The following PVALEF variants were observed in gnomAD, a reference collection of about 807,000 sequenced individuals.
PVALEF encodes parvalbumin-like EF-hand-containing protein.
A neutral mutation model predicts 1.2 loss-of-function variants in PVALEF; 2 were observed. The ratio of observed to expected loss-of-function variants is 1.68; its 90% confidence interval spans 0.69 to 5.28. The LOEUF (loss-of-function observed/expected upper bound fraction) is 5.28, where lower values mean the gene tolerates loss of function less well. PVALEF is among the 30% of genes most tolerant of loss of function. The pLI, the probability that PVALEF is intolerant of heterozygous loss-of-function variation, is 0.06. For missense variants in PVALEF, 35 were observed against 17.7 expected (o/e 1.97, Z -1.75); for synonymous variants, 16 against 6.5 (o/e 2.47, Z -2.24).
intron 2 of PVALEF, among the ~76,000 whole-genome samples, chr17:81,170,863 G>A (rs995640330): frequency 1.3e-5 from 2 of 152,038 alleles, no homozygotes; most frequent in African/African-American, 4.8e-5. Context: ...AGGGTGCTTG[G>A]GCCCCTCCAG....
At chr17:81,172,503 C>T (rs539091554) in intron 2 of PVALEF, among the ~76,000 whole-genome samples, 68 of 152,300 alleles carry the variant, frequency 4.5e-4, no homozygotes, top group African/African-American at 1.4e-3. Flanking sequence ...TGGGGCCAGG[C>T]GTGGCAGCTC....
At chr17:81,167,549 T>C (rs2061502468) in intron 2 of PVALEF, among the ~76,000 whole-genome samples, 1 of 152,210 alleles carries the variant, frequency 6.6e-6, no homozygotes, top group African/African-American at 2.4e-5. Flanking sequence ...CAGGACAGGA[T>C]GCTTGGGCCA....
intron 2 of PVALEF, among the ~76,000 whole-genome samples, chr17:81,169,322 G>A (rs532709730): frequency 1.3e-5 from 2 of 152,252 alleles, no homozygotes; most frequent in East Asian, 1.9e-4. Flanking sequence ...GTAATCGGCC[G>A]GGCGCAGTGG....
At chr17:81,172,795 G>C (rs2061525046) in intron 2 of PVALEF, among the ~76,000 whole-genome samples, 1 of 151,968 alleles carries the variant, frequency 6.6e-6, no homozygotes, top group South Asian at 2.1e-4. Flanking sequence ...AAAAGTTGCT[G>C]GACCGTCCTC....
intron 2 of PVALEF, among the ~76,000 whole-genome samples, chr17:81,174,357 G>A (rs577480583): frequency 6.6e-5 from 10 of 151,690 alleles, no homozygotes; most frequent in African/African-American, 9.6e-5. Context: ...GGCTGGGTGC[G>A]GTGGCTCATG....
In PVALEF at chr17:81,178,911, GC is replaced by G; in HGVS notation, c.-339-3del. On this transcript the variant is annotated splice_region_variant and splice_polypyrimidine_tract_variant and intron_variant, in intron 2 of 6. Coordinates refer to ENST00000637878, the MANE Select transcript of PVALEF (RefSeq NM_001354639.2). The stretch of plus-strand genomic sequence containing the variant: ...GTGCCCTCTCTTCCTCCCTAACCCC[GC>G]CCCAGGTTTGGGGAGGCCAGGCACT... 1 of 217,546 alleles carries G rather than the reference GC, an allele frequency of 4.6e-6. No homozygotes were observed. The highest frequency in any genetic ancestry group is 1.0e-5 in the Non-Finnish European group (1 of 100,320). The allele number at this position is 217,546 out of a possible 1,614,324, so 13.5% of individuals were successfully genotyped here.
intron 2 of PVALEF, among the ~76,000 whole-genome samples, chr17:81,168,543 G>A (rs2061507187): frequency 1.3e-5 from 2 of 152,192 alleles, no homozygotes; most frequent in Non-Finnish European, 2.9e-5. Flanking sequence ...TGCCCACGCT[G>A]GGACAGGATC....
intron 2 of PVALEF, 135 bp from the exon 3 acceptor site, chr17:81,178,783 T>A (rs1473616093): frequency 5.4e-6 from 1 of 184,496 alleles, no homozygotes; most frequent in African/African-American, 2.4e-5. Flanking sequence ...GAGGCGTGGG[T>A]TCCAGCACCA....
intron 4 of PVALEF, 93 bp from the exon 5 acceptor site, chr17:81,181,466 G>A (rs2061553927): frequency 2.0e-6 from 1 of 507,570 alleles, no homozygotes; most frequent in Non-Finnish European, 3.4e-6. Flanking sequence ...GGGGGTGCAG[G>A]ACCCGGCAGC....
intron 1 of PVALEF, 94 bp downstream of exon 1, chr17:81,165,841 T>C (rs1363684182): frequency 6.6e-7 from 1 of 1,523,002 alleles, no homozygotes; most frequent in African/African-American, 1.4e-5. Context: ...GGGGAAAGGG[T>C]TAATTTCCAT....
intron 2 of PVALEF, among the ~76,000 whole-genome samples, chr17:81,172,128 C>G (rs1224137066): frequency 2.0e-5 from 3 of 152,248 alleles, no homozygotes; most frequent in East Asian, 1.9e-4. Context: ...GTGCCACATG[C>G]CTTTCTACAG....
chr17:81,171,323 G>T lies in PVALEF; in HGVS notation c.-340+4479G>T, dbSNP rs138610699. 6.9e-3 allele frequency among the ~76,000 whole-genome samples: 1,057 copies of T among 152,168 alleles called. 11 individuals carry two copies. Among genetic ancestry groups the T allele is most frequent in the Middle Eastern group, 0.017 (5 of 294 alleles). Reference sequence around the variant, plus strand: ...GGTTCCGGGAGCTTTGGAGAACACTGCATCTGCCAGCCCGCCCTCCAGCCC... The same window carrying T: ...GGTTCCGGGAGCTTTGGAGAACACTTCATCTGCCAGCCCGCCCTCCAGCCC... On this transcript the variant is annotated intron_variant, in intron 2 of 6. Coordinates refer to ENST00000637878, the MANE Select transcript of PVALEF (RefSeq NM_001354639.2).
At chr17:81,168,514 C>G (rs967888492) in intron 2 of PVALEF, among the ~76,000 whole-genome samples, 32 of 152,186 alleles carry the variant, frequency 2.1e-4, no homozygotes, top group African/African-American at 7.5e-4. Flanking sequence ...CCTAGTGGGG[C>G]CCCCCAGGTG....
At chr17:81,181,042 G>T in intron 3 of PVALEF, 81 bp from the exon 4 acceptor site, 1 of 536,298 alleles carries the variant, frequency 1.9e-6, no homozygotes, top group Non-Finnish European at 3.3e-6. Context: ...ACCCCCACCT[G>T]CCTGGCTGGG....
At position 81,179,102 on chromosome 17, in the gene PVALEF, A is replaced by G. The variant is rs758412877; in HGVS notation, c.-155A>G. The stretch of plus-strand genomic sequence containing the variant: ...AAAGCTGGAGCCCCTGGGCCTCTCC[A>G]CACCCCAGCCTGACCCACCTTCCAG... On this transcript the variant is annotated 5_prime_UTR_variant, in exon 3 of 7. Coordinates refer to ENST00000637878, the MANE Select transcript of PVALEF (RefSeq NM_001354639.2). 8 of 443,546 alleles carry G rather than the reference A, an allele frequency of 1.8e-5. No individual in the cohort carries two copies. Among genetic ancestry groups the G allele is most frequent in the South Asian group, 1.3e-4 (8 of 63,138 alleles). 27.5% of individuals were successfully genotyped at this position (443,546 alleles called of 1,614,324 possible). A position where few individuals can be genotyped will look rare whatever the true frequency, so the allele number is the denominator to read the frequency against.
chr17:81,165,881 ATCACGTCCGCAGC>A, intron 1 of PVALEF, 134 bp downstream of exon 1: 3 of 1,548,826 alleles, frequency 1.9e-6, no homozygotes, highest in Non-Finnish European at 2.6e-6. Flanking sequence ...GCCCAGGGGC[ATCACGTCCGCAGC>A]GGAGGGAGGC....
rs776750540 is a variant in PVALEF, at chr17:81,183,041, G to A, written c.*30G>A. On this transcript the variant is annotated 3_prime_UTR_variant, in exon 7 of 7. Coordinates refer to ENST00000637878, the MANE Select transcript of PVALEF (RefSeq NM_001354639.2). Reference sequence around the variant, plus strand: ...ATGACTAGCCCTGGCCAGCCAAGGGGCTCCCATGGGGTAACCGGGGTGACC... The same window carrying A: ...ATGACTAGCCCTGGCCAGCCAAGGGACTCCCATGGGGTAACCGGGGTGACC... 147 of 398,564 alleles carry A rather than the reference G, an allele frequency of 3.7e-4. No homozygotes were observed. Among genetic ancestry groups the A allele is most frequent in the Non-Finnish European group, 6.2e-4 (140 of 226,092 alleles). 24.7% of individuals were successfully genotyped at this position (398,564 alleles called of 1,614,324 possible).
chr17:81,176,417 G>A (rs2061535686), intron 2 of PVALEF, among the ~76,000 whole-genome samples: 1 of 152,182 alleles, frequency 6.6e-6, no homozygotes, highest in Non-Finnish European at 1.5e-5. Context: ...TACTCAGGAG[G>A]CTGAGGCACG....
chr17:81,166,108 C>T, intron 1 of PVALEF: 1 of 462,484 alleles, frequency 2.2e-6, no homozygotes, highest in Non-Finnish European at 2.8e-6. Flanking sequence ...GCGCGCCGGC[C>T]CCCGCGCCCC....
Sources: allele counts gnomAD v4.1 joint callset (sites outside exome capture counted in the v4.1 genomes callset), GRCh38; gene constraint gnomAD v4.1.1; transcripts MANE v1.5; gene names NCBI Gene and HGNC (gene_info 2026-07-23, HGNC 2026-07-21).